Variants in TEAD4 observed in about 807,000 individuals in gnomAD.
The protein encoded by TEAD4 is transcriptional enhancer factor TEF-3.
TEAD4 carries 36 observed loss-of-function variants against 52.4 expected under a neutral mutation model. The ratio of observed to expected loss-of-function variants is 0.69; its 90% CI spans 0.53 to 0.91. The LOEUF is 0.91. Among genes scored for constraint, TEAD4 ranks in the 40% least tolerant of loss-of-function variants. The pLI is 0.00. For missense variants in TEAD4, 508 were observed against 583.9 expected (o/e 0.87, Z 1.34); for synonymous variants, 220 against 231.0 (o/e 0.95, Z 0.43).
At chr12:2,971,408 A>G (rs7301514) in intron 2 of TEAD4, among the ~76,000 whole-genome samples, 27,494 of 152,098 alleles carry the variant, frequency 0.18, 3,811 homozygotes, top group African/African-American at 0.39. Context: ...TCATGAAGTG[A>G]TGAGAGGAGG....
intron 2 of TEAD4, among the ~76,000 whole-genome samples, chr12:2,976,655 G>A (rs1469263851): frequency 6.6e-6 from 1 of 151,966 alleles, no homozygotes; most frequent in South Asian, 2.1e-4. Context: ...CGCCCCTGAC[G>A]CCGAAGGGGT....
At chr12:3,020,466 C>CA (rs1156912997) in intron 8 of TEAD4, among the ~76,000 whole-genome samples, 168 bp from the exon 9 acceptor site, 1 of 152,172 alleles carries the variant, frequency 6.6e-6, no homozygotes, top group East Asian at 1.9e-4. Flanking sequence ...TGCCCTGGCC[C>CA]AAGCCTGGCA....
At chr12:3,002,333 G>T (rs1474540864) in intron 3 of TEAD4, among the ~76,000 whole-genome samples, 1 of 152,196 alleles carries the variant, frequency 6.6e-6, no homozygotes, top group Non-Finnish European at 1.5e-5. Flanking sequence ...GAACATTGGT[G>T]TACAGGTATC....
intron 2 of TEAD4, among the ~76,000 whole-genome samples, chr12:2,977,119 C>T (rs942876892): frequency 1.3e-5 from 2 of 151,906 alleles, no homozygotes; most frequent in African/African-American, 2.4e-5. Flanking sequence ...TCCTCACAGC[C>T]GTTATTTGGG....
chr12:3,019,452 C>T (rs1322703706), intron 8 of TEAD4, among the ~76,000 whole-genome samples: 1 of 152,242 alleles, frequency 6.6e-6, no homozygotes, highest in African/African-American at 2.4e-5. Flanking sequence ...AAGGGCAGTG[C>T]CCGTGCCCTG....
chr12:2,983,494 C>T (rs1483204921), intron 2 of TEAD4, among the ~76,000 whole-genome samples: 2 of 152,152 alleles, frequency 1.3e-5, no homozygotes, highest in African/African-American at 4.8e-5. Flanking sequence ...CCAAGGAGGG[C>T]ATCCTTCTTG....
intron 2 of TEAD4, among the ~76,000 whole-genome samples, chr12:2,961,198 AG>A (rs958060661): frequency 2.0e-5 from 3 of 152,060 alleles, no homozygotes; most frequent in Non-Finnish European, 4.4e-5. Context: ...ACAAACAGGG[AG>A]GTATACCAGC....
chr12:3,007,330 G>A (rs1195483536), intron 3 of TEAD4, among the ~76,000 whole-genome samples: 2 of 152,352 alleles, frequency 1.3e-5, no homozygotes, highest in Middle Eastern at 3.4e-3. Context: ...CCTGATGAGA[G>A]GAGGTTCCAT....
chr12:2,988,484 A>T (rs908354776), intron 2 of TEAD4, among the ~76,000 whole-genome samples: 17 of 143,332 alleles, frequency 1.2e-4, no homozygotes, highest in Non-Finnish European at 2.5e-4. Flanking sequence ...GCGCCACTGC[A>T]CTCCAGCCTG....
chr12:2,970,123 T>A (rs1272775217), intron 2 of TEAD4, among the ~76,000 whole-genome samples: 1 of 152,242 alleles, frequency 6.6e-6, no homozygotes, highest in Non-Finnish European at 1.5e-5. Context: ...CTTTAACCTA[T>A]GACTACAATA....
intron 2 of TEAD4, among the ~76,000 whole-genome samples, chr12:2,965,984 C>T (rs2098219928): frequency 6.6e-6 from 1 of 152,134 alleles, no homozygotes; most frequent in Admixed American, 6.5e-5. Context: ...CCTCAGCCTC[C>T]TCAGTAGCTG....
rs377417368 is a variant in TEAD4 at position 3,020,622 on chromosome 12, C to T, written c.584-12C>T. ...GTGACCAGGTTCCATGTGCCTTTCT[C>T]ACTTTGTGCAGGGTTTGAGTCTCCT... On this transcript the variant is annotated splice_polypyrimidine_tract_variant and intron_variant, in intron 8 of 12. Transcript: ENST00000359864. 1.2e-5 allele frequency: 19 copies of T among 1,523,626 alleles called. No individual in the cohort carries two copies. The highest frequency in any genetic ancestry group is 6.4e-5 in the South Asian group (5 of 77,878). The allele number at this position is 1,523,626 out of a possible 1,614,324, so 94.4% of individuals were successfully genotyped here.
intron 3 of TEAD4, among the ~76,000 whole-genome samples, chr12:3,000,552 T>C (rs1173313792): frequency 6.6e-6 from 1 of 152,168 alleles, no homozygotes; most frequent in Non-Finnish European, 1.5e-5. Context: ...GTGAAGGCAG[T>C]GCCTTCAGGG....
chr12:2,982,488 G>T (rs1187862838), intron 2 of TEAD4, among the ~76,000 whole-genome samples: 1 of 152,228 alleles, frequency 6.6e-6, no homozygotes, highest in Non-Finnish European at 1.5e-5. Flanking sequence ...CCCCTGGCAG[G>T]CCCTCCTGGG....
intron 3 of TEAD4, among the ~76,000 whole-genome samples, chr12:3,004,676 G>A (rs1379148253): frequency 6.6e-6 from 1 of 152,232 alleles, no homozygotes; most frequent in African/African-American, 2.4e-5. Context: ...GGTGAATGCA[G>A]ATAAAGCTGT....
intron 3 of TEAD4, among the ~76,000 whole-genome samples, chr12:3,004,617 A>G (rs969125886): frequency 2.0e-5 from 3 of 152,174 alleles, no homozygotes; most frequent in Non-Finnish European, 4.4e-5. Flanking sequence ...CCCTGTCTGT[A>G]GCGTGGATGA....
intron 10 of TEAD4, among the ~76,000 whole-genome samples, chr12:3,032,618 G>A (rs1285653106): frequency 2.0e-5 from 3 of 152,202 alleles, no homozygotes; most frequent in Admixed American, 1.3e-4. Context: ...GACCTGCCAG[G>A]GGCTGTGTCG....
intron 3 of TEAD4, among the ~76,000 whole-genome samples, chr12:3,003,951 C>G (rs2098253748): frequency 2.0e-5 from 3 of 152,244 alleles, no homozygotes; most frequent in Admixed American, 6.5e-5. Context: ...ACAAGTTTCT[C>G]ACTGCCATGG....
intron 2 of TEAD4, among the ~76,000 whole-genome samples, chr12:2,985,654 C>T (rs1301229254): frequency 4.0e-5 from 6 of 151,330 alleles, no homozygotes; most frequent in East Asian, 4.2e-4. Flanking sequence ...TATAGGTGCG[C>T]ACCATCATGC....
Sources: gnomAD v4.1 joint callset for allele counts (sites outside exome capture counted in the v4.1 genomes callset) on GRCh38, gnomAD v4.1.1 for gene constraint, MANE v1.5 for transcripts, NCBI Gene and HGNC (gene_info 2026-07-23, HGNC 2026-07-21) for gene names.